HSD11B2: variants seen among roughly 807,000 people sequenced by gnomAD.
HSD11B2 encodes the protein hydroxysteroid 11-beta dehydrogenase 2.
Under a neutral mutation model 20.9 loss-of-function variants are expected in HSD11B2, and 17 were observed. That is an observed-to-expected ratio of 0.81 (90% CI 0.56 to 1.22). The LOEUF (loss-of-function observed/expected upper bound fraction) is 1.22. Among genes scored for constraint, HSD11B2 ranks in the 50% most tolerant of loss-of-function variants. The pLI is 0.00. For missense variants in HSD11B2, 480 were observed against 563.6 expected, an observed-to-expected ratio of 0.85 and a Z score of 1.50; for synonymous variants, 253 against 255.4, an observed-to-expected ratio of 0.99 and a Z score of 0.09.
chr16:67,436,449 G>A lies in HSD11B2; in HGVS notation c.802+63G>A. On this transcript the variant is annotated intron_variant, in intron 4 of 4. Transcript: ENST00000326152. The surrounding 1 kb of genome is among the most constrained non-coding windows in gnomAD (Gnocchi z 5.7). ...ATGGGGCTGGGAATGGTCTTATGGG[G>A]GCAGGTCAGGTTTGATGAATGGTCA... 12 of 1,535,374 alleles carry A rather than the reference G, an allele frequency of 7.8e-6. No individual in the cohort carries two copies. The highest frequency in any genetic ancestry group is 1.2e-5 in the South Asian group (1 of 84,256).
chr16:67,433,818 G>T (rs1157959537), intron 1 of HSD11B2, among the ~76,000 whole-genome samples: 1 of 151,650 alleles, frequency 6.6e-6, no homozygotes, highest in Admixed American at 6.6e-5. Flanking sequence ...GCTGTTTTCA[G>T]TAGAGGGAGT....
intron 1 of HSD11B2, among the ~76,000 whole-genome samples, chr16:67,435,361 G>A (rs1010413165): frequency 6.6e-6 from 1 of 152,190 alleles, no homozygotes; most frequent in Non-Finnish European, 1.5e-5. Flanking sequence ...AGCATTACTA[G>A]GCCTTAGTTT....
chr16:67,431,090 T>A, upstream of HSD11B2: 1 of 125,242 alleles, frequency 8.0e-6, no homozygotes, highest in South Asian at 2.8e-4. Flanking sequence ...CCCCCGGGGC[T>A]CTTCATAAGC....
intron 1 of HSD11B2, 46 bp from the exon 2 acceptor site, chr16:67,435,582 A>G (rs1235752361): frequency 1.3e-6 from 2 of 1,492,728 alleles, no homozygotes; most frequent in Non-Finnish European, 1.9e-6. Flanking sequence ...GTCTCAGGCT[A>G]GGCTGGGCCA....
rs1046652532 is a variant in HSD11B2, at chr16:67,431,449, C to G, written c.201C>G (p.Ile67Met). ...CCGTGCTGGCCGCCGCCGGCTGGAT[C>G]GCGTTGTCCCGCCTGGCGCGCCCGC... ...ALAVLAAAGWIALSRLARPQR... is the reference protein window; with the variant it reads ...ALAVLAAAGWMALSRLARPQR... The change falls in exon 1 of 5, where the codon ATC becomes ATG. Residue 67 changes from isoleucine to methionine, a missense_variant. Physicochemically the swap from Ile to Met is conservative, Grantham distance 10. Around this residue, in one of 2 missense-constraint regions of HSD11B2, gnomAD observed 374 missense variants for 480.9 expected, o/e 0.78. Coordinates refer to ENST00000326152, the MANE Select transcript of HSD11B2 (RefSeq NM_000196.4). 2 of 1,371,046 alleles carry G rather than the reference C, an allele frequency of 1.5e-6. No individual in the cohort carries two copies. Among genetic ancestry groups the G allele is most frequent in the East Asian group, 3.1e-5 (1 of 31,954 alleles). The allele number at this position is 1,371,046 out of a possible 1,614,324, so 84.9% of individuals were successfully genotyped here. A position where few individuals can be genotyped will look rare whatever the true frequency, so the allele number is the denominator to read the frequency against.
Position 67,436,097 on chromosome 16 carries a change from C to G in HSD11B2, c.619C>G (p.Leu207Val). 1 of 1,614,088 alleles carries G rather than the reference C, an allele frequency of 6.2e-7. No homozygotes were observed. Among genetic ancestry groups the G allele is most frequent in the Non-Finnish European group, 8.5e-7 (1 of 1,180,022 alleles). Residue 207 changes from leucine (L) to valine (V), a missense_variant, in exon 3 of 5, where the codon CTG (leucine) becomes GTG (valine). Coordinates refer to ENST00000326152, the MANE Select transcript of HSD11B2 (RefSeq NM_000196.4). The surrounding 1 kb of genome is among the most constrained non-coding windows in gnomAD (Gnocchi z 5.7). ...GCTGACCAAGGGCCTCCTGCCCCTG[C>G]TGCGCAGCTCAAGGGGCCGCATCGT... ...LELTKGLLPL[L>V]RSSRGRIVTV...
chr16:67,430,390 C>T (rs2040920993), upstream of HSD11B2, among the ~76,000 whole-genome samples: 1 of 152,218 alleles, frequency 6.6e-6, no homozygotes, highest in Non-Finnish European at 1.5e-5. This position sits in a 1 kb window ranked among gnomAD's most constrained non-coding sequence, Gnocchi z 5.4. Flanking sequence ...CACTGACCCC[C>T]ACACACATAC....
In HSD11B2 at chr16:67,435,809, A is replaced by G. The variant is rs776426295; in HGVS notation, c.447A>G (p.Leu149=). The G allele has an allele frequency of 1.2e-6, 2 of 1,614,064 alleles. No homozygotes were observed. The highest frequency in any genetic ancestry group is 1.7e-6 in the Non-Finnish European group (2 of 1,180,028). ...LTKPGDISRV[L]EFTKAHTTST... is the part of the protein sequence containing the mutation. ...AACCAGGAGACATTAGCCGCGTGCT[A>G]GAGTTCACCAAGGCCCACACCACCA... The change falls in exon 2 of 5, where the codon CTA becomes CTG. Residue 149 remains leucine, a synonymous_variant. Coordinates refer to ENST00000326152, the MANE Select transcript of HSD11B2 (RefSeq NM_000196.4).
chr16:67,437,006 C>T lies in HSD11B2; in HGVS notation c.*3C>T. 6.2e-7 allele frequency: 1 copy of T among 1,606,692 alleles called. No homozygotes were observed. Among genetic ancestry groups the T allele is most frequent in the Non-Finnish European group, 8.5e-7 (1 of 1,179,746 alleles). ...CTTCCCCAGCAGTGGCTCGGTGAGCCATGTGCACCTATGGCCCAGCCACTG... is the reference window on the plus strand; with the variant it reads ...CTTCCCCAGCAGTGGCTCGGTGAGCTATGTGCACCTATGGCCCAGCCACTG... On this transcript the variant is annotated 3_prime_UTR_variant, in exon 5 of 5. Coordinates refer to ENST00000326152, the MANE Select transcript of HSD11B2 (RefSeq NM_000196.4).
At position 67,436,008 on chromosome 16, in the gene HSD11B2, C is replaced by T. The variant is rs755994842; in HGVS notation, c.530C>T (p.Ala177Val). 9.3e-6 allele frequency: 15 copies of T among 1,614,214 alleles called. No homozygotes were observed. The highest frequency in any genetic ancestry group is 2.7e-5 in the African/African-American group (2 of 75,056). Residue 177 changes from alanine (A) to valine (V), a missense_variant, in exon 3 of 5, where the codon GCG becomes GTG. Ala to Val is a moderately conservative substitution (Grantham distance 64). Coordinates refer to ENST00000326152, the MANE Select transcript of HSD11B2 (RefSeq NM_000196.4). The surrounding 1 kb of genome is among the most constrained non-coding windows in gnomAD (Gnocchi z 5.7). ...GGCCACAATGAAGTAGTTGCTGATG[C>T]GGAGCTGTCTCCAGTGGCCACTTTC... ...NAGHNEVVAD[A>V]ELSPVATFRS...
upstream of HSD11B2, chr16:67,431,082 C>A (rs1298801991): frequency 1.3e-4 from 26 of 198,752 alleles, no homozygotes; most frequent in Non-Finnish European, 2.2e-4. Context: ...CTCCCCCGCC[C>A]CCGGGGCTCT....
Position 67,436,514 on chromosome 16 carries a change from C to T in HSD11B2, c.803-74C>T, listed in dbSNP as rs2855411. The T allele has an allele frequency of 5.7e-6, 9 of 1,578,832 alleles. No individual in the cohort carries two copies. Among genetic ancestry groups the T allele is most frequent in the East Asian group, 2.3e-5 (1 of 43,318 alleles). ...GGTGTAGTTTTGGCTGCAGACCTGG[C>T]GCGGGTTAAACAGTCCTAATTGGCT... On this transcript the variant is annotated intron_variant, in intron 4 of 4. Transcript: ENST00000326152. This position sits in a 1 kb window ranked among gnomAD's most constrained non-coding sequence, Gnocchi z 5.7.
rs794726669 is a variant in HSD11B2 at position 67,435,701 on chromosome 16, ATTGGAG to A, written c.343_348del (p.Glu115_Leu116del). On this transcript the variant is annotated inframe_deletion, in exon 2 of 5. Transcript: ENST00000326152. ...TGGGCTTCACGGTGCTGGCCACCGTATTGGAGTTGAACAGCCCCGGTGCCATCGAGC... is the reference window on the plus strand; with the variant it reads ...TGGGCTTCACGGTGCTGGCCACCGTATTGAACAGCCCCGGTGCCATCGAGC... 1.2e-6 allele frequency: 2 copies of A among 1,613,788 alleles called. No individual in the cohort carries two copies. The highest frequency in any genetic ancestry group is 1.3e-5 in the African/African-American group (1 of 74,912).
chr16:67,436,341 T>TG lies in HSD11B2; in HGVS notation c.763dup (p.Val255GlyfsTer102), dbSNP rs1453568208. On this transcript the variant is annotated frameshift_variant, in exon 4 of 5. Transcript: ENST00000326152. LOFTEE classifies it high-confidence loss of function. The surrounding 1 kb of genome is among the most constrained non-coding windows in gnomAD (Gnocchi z 5.7). ...CACATTCAGCTGTGAACTCCTTCCC[T>TG]GGGGGGTCAAGGTCAGCATCATCCA... 3 of 1,338,540 alleles carry TG rather than the reference T, an allele frequency of 2.2e-6. No individual in the cohort carries two copies. Among genetic ancestry groups the TG allele is most frequent in the Non-Finnish European group, 2.9e-6 (3 of 1,020,316 alleles). 82.9% of individuals were successfully genotyped at this position (1,338,540 alleles called of 1,614,324 possible).
At chr16:67,435,297 A>C (rs1307225325) in intron 1 of HSD11B2, among the ~76,000 whole-genome samples, 1 of 151,958 alleles carries the variant, frequency 6.6e-6, no homozygotes, top group South Asian at 2.1e-4. Context: ...GCAGAACCAC[A>C]CTGGGGCCTG....
intron 1 of HSD11B2, among the ~76,000 whole-genome samples, chr16:67,433,731 T>C (rs1266442650): frequency 6.9e-6 from 1 of 144,680 alleles, no homozygotes; most frequent in African/African-American, 2.7e-5. Flanking sequence ...CACACACATA[T>C]GCTTGCCTCC....
chr16:67,431,271 C>A lies in HSD11B2; in HGVS notation c.23C>A (p.Ser8Ter). 7.9e-7 allele frequency: 1 copy of A among 1,263,654 alleles called. No individual in the cohort carries two copies. Among genetic ancestry groups the A allele is most frequent in the Non-Finnish European group, 1.0e-6 (1 of 994,296 alleles). 78.3% of individuals were successfully genotyped at this position (1,263,654 alleles called of 1,614,324 possible). A position where few individuals can be genotyped will look rare whatever the true frequency, so the allele number is the denominator to read the frequency against. ...GCCATGGAGCGCTGGCCTTGGCCGT[C>A]GGGCGGCGCCTGGCTGCTCGTGGCT... is the stretch of plus-strand genomic sequence containing the variant. MERWPWP[S>*]GGAWLLVAAR... The change falls in exon 1 of 5, where the codon TCG (serine) becomes TAG (stop). Residue 8 changes from serine to a stop codon, truncating the protein, a stop_gained. Coordinates refer to ENST00000326152, the MANE Select transcript of HSD11B2 (RefSeq NM_000196.4). LOFTEE classifies it high-confidence loss of function.
intron 1 of HSD11B2, among the ~76,000 whole-genome samples, chr16:67,434,665 T>G (rs532813410): frequency 1.3e-5 from 2 of 152,190 alleles, no homozygotes; most frequent in East Asian, 3.9e-4. Context: ...GGAGGATCAC[T>G]TGAGCCCAGG....
rs765985616 is a variant in HSD11B2 at position 67,436,275 on chromosome 16, GCCTATGGAA to G, written c.695_703del (p.Tyr232_Thr234del). 9.9e-6 allele frequency: 16 copies of G among 1,613,942 alleles called. No individual in the cohort carries two copies. The highest frequency in any genetic ancestry group is 1.4e-5 in the Non-Finnish European group (16 of 1,180,028). The stretch of plus-strand genomic sequence containing the variant: ...GGACATGCCATATCCGTGCTTGGGG[GCCTATGGAA>G]CCTCCAAAGCGGCCGTGGCGCTACT... On this transcript the variant is annotated inframe_deletion, in exon 4 of 5. Transcript: ENST00000326152. The surrounding 1 kb of genome is among the most constrained non-coding windows in gnomAD (Gnocchi z 5.7).
Sources: gnomAD v4.1 joint callset for allele counts (sites outside exome capture counted in the v4.1 genomes callset) on GRCh38, gnomAD v4.1.1 for gene constraint, gnomAD v4.1.1 regional missense constraint, Gnocchi (gnomAD v3.1) non-coding constraint, MANE v1.5 for transcripts, NCBI Gene and HGNC (gene_info 2026-07-23, HGNC 2026-07-21) for gene names.